OR11H4: variants seen among roughly 807,000 people sequenced by gnomAD.
The protein encoded by OR11H4 is olfactory receptor 11H4.
For missense variants in OR11H4, 460 were observed against 371.1 expected (o/e 1.24, Z -1.97); for synonymous variants, 162 against 142.3 (o/e 1.14, Z -0.98).
chr14:20,240,946 T>C (rs1329249516), intron 1 of OR11H4, among the ~76,000 whole-genome samples: 1 of 152,152 alleles, frequency 6.6e-6, no homozygotes, highest in Non-Finnish European at 1.5e-5. Flanking sequence ...TACTGTTGTT[T>C]AAACACATTT....
intron 1 of OR11H4, among the ~76,000 whole-genome samples, chr14:20,241,756 T>C (rs142050609): frequency 1.6e-3 from 241 of 152,262 alleles, no homozygotes; most frequent in Middle Eastern, 6.8e-3. Flanking sequence ...TATTCATTAT[T>C]TCAGCAAAAA....
chr14:20,243,895 G>C lies in OR11H4; in HGVS notation c.*129G>C. ...TATATTTTACCTGGAAGTGTGCCCA[G>C]CTTAAATATGTTTCCAGCACTGACT... On this transcript the variant is annotated 3_prime_UTR_variant, in exon 2 of 2. Transcript: ENST00000641082. 1.1e-6 allele frequency: 1 copy of C among 871,184 alleles called. No homozygotes were observed. 54.0% of individuals were successfully genotyped at this position (871,184 alleles called of 1,614,324 possible).
rs190869768 is a variant in OR11H4, at chr14:20,242,722, C to T, written c.-11-89C>T. 1.1e-5 allele frequency: 16 copies of T among 1,446,914 alleles called. No homozygotes were observed. The East Asian group carries it at 1.4e-4, about 12-fold the overall frequency. 89.6% of individuals were successfully genotyped at this position (1,446,914 alleles called of 1,614,324 possible). On this transcript the variant is annotated intron_variant, in intron 1 of 1. Transcript: ENST00000641082. ...TATTTTCCTGTATACCTCAAGTTCT[C>T]GTCTCAGTAAAATCCTTGAGATACG...
In OR11H4 at chr14:20,242,835, C is replaced by A; in HGVS notation, c.14C>A (p.Ala5Glu). Residue 5 changes from alanine (A) to glutamate (E), a missense_variant, in exon 2 of 2, where the codon GCA (alanine) becomes GAA (glutamate). By Grantham distance (107) the Ala-to-Glu change is moderately radical. Coordinates refer to ENST00000641082, the MANE Select transcript of OR11H4 (RefSeq NM_001004479.2). ...GACTTAAGACCCATGAACAGGTCAGCAACACACATCGTGACAGAGTTTATT... is the reference window on the plus strand; with the variant it reads ...GACTTAAGACCCATGAACAGGTCAGAAACACACATCGTGACAGAGTTTATT... MNRS[A>E]THIVTEFILL... 1 of 1,613,976 alleles carries A rather than the reference C, an allele frequency of 6.2e-7. No individual in the cohort carries two copies. The highest frequency in any genetic ancestry group is 8.5e-7 in the Non-Finnish European group (1 of 1,179,858).
chr14:20,240,054 C>A (rs1880881401), intron 1 of OR11H4, among the ~76,000 whole-genome samples: 1 of 152,062 alleles, frequency 6.6e-6, no homozygotes, highest in African/African-American at 2.4e-5. Context: ...GTAGAAAAGA[C>A]GAAGTGTAGT....
At position 20,243,736 on chromosome 14, in the gene OR11H4, G is replaced by A; in HGVS notation, c.915G>A (p.Leu305=). ...TGAAACTCGCTCTGAGAAATGTCCT[G>A]TTTGGAATGAGAATTCGTCAAAATT... The part of the protein sequence containing the change: ...KDMKLALRNV[L]FGMRIRQNS The change falls in exon 2 of 2, where the codon CTG becomes CTA. Residue 305 remains leucine, a synonymous_variant. Transcript: ENST00000641082. 6.3e-7 allele frequency: 1 copy of A among 1,584,736 alleles called. No homozygotes were observed. The highest frequency in any genetic ancestry group is 1.1e-5 in the South Asian group (1 of 87,022).
At position 20,243,214 on chromosome 14, in the gene OR11H4, G is replaced by C. The variant is rs1043543883; in HGVS notation, c.393G>C (p.Gln131His). The change falls in exon 2 of 2, where the codon CAG becomes CAC. Residue 131 changes from glutamine (Q) to histidine (H), a missense_variant. Transcript: ENST00000641082. ...DRYLAICHPL[Q>H]YPAIMTVRFC... is the part of the protein sequence containing the mutation. The stretch of plus-strand genomic sequence containing the variant: ...ACCTGGCCATCTGCCACCCACTGCA[G>C]TACCCTGCCATCATGACTGTAAGGT... 2 of 1,614,132 alleles carry C rather than the reference G, an allele frequency of 1.2e-6. No homozygotes were observed. Among genetic ancestry groups the C allele is most frequent in the African/African-American group, 2.7e-5 (2 of 75,032 alleles).
rs1479168943 is a variant in OR11H4 at position 20,243,954 on chromosome 14, A to G, written c.*188A>G. 2.1e-5 allele frequency: 10 copies of G among 480,278 alleles called. No individual in the cohort carries two copies. Among genetic ancestry groups the G allele is most frequent in the African/African-American group, 1.2e-4 (6 of 50,704 alleles). The allele number at this position is 480,278 out of a possible 1,614,324, so 29.8% of individuals were successfully genotyped here. A position where few individuals can be genotyped will look rare whatever the true frequency, so the allele number is the denominator to read the frequency against. On this transcript the variant is annotated 3_prime_UTR_variant, in exon 2 of 2. Coordinates refer to ENST00000641082, the MANE Select transcript of OR11H4 (RefSeq NM_001004479.2). The stretch of plus-strand genomic sequence containing the variant: ...CTTAATTAACTGGTCTTCAACATCC[A>G]CTTAAAAGTTTTCAAAGCCTGTCTT...
intron 1 of OR11H4, among the ~76,000 whole-genome samples, chr14:20,242,067 G>A (rs902224902): frequency 6.6e-6 from 1 of 151,996 alleles, no homozygotes; most frequent in East Asian, 1.9e-4. Flanking sequence ...GCAGGAGACA[G>A]TGGCCTTCCT....
At position 20,243,913 on chromosome 14, in the gene OR11H4, C is replaced by T. The variant is rs977175016; in HGVS notation, c.*147C>T. 3 of 718,848 alleles carry T rather than the reference C, an allele frequency of 4.2e-6. No homozygotes were observed. Among genetic ancestry groups the T allele is most frequent in the Non-Finnish European group, 6.4e-6 (3 of 471,248 alleles). 44.5% of individuals were successfully genotyped at this position (718,848 alleles called of 1,614,324 possible). On this transcript the variant is annotated 3_prime_UTR_variant, in exon 2 of 2. Coordinates refer to ENST00000641082, the MANE Select transcript of OR11H4 (RefSeq NM_001004479.2). ...GTGCCCAGCTTAAATATGTTTCCAG[C>T]ACTGACTCTTTAAACCTTAATTAAC... is the stretch of plus-strand genomic sequence containing the variant.
intron 1 of OR11H4, among the ~76,000 whole-genome samples, chr14:20,240,680 C>A (rs1880895537): frequency 1.3e-5 from 2 of 150,550 alleles, no homozygotes; most frequent in African/African-American, 4.9e-5. Context: ...TGAGTTCAAG[C>A]AATTCTTCTG....
rs754376585 is a variant in OR11H4 at position 20,243,472 on chromosome 14, C to T, written c.651C>T (p.Ser217=). 20 of 1,613,760 alleles carry T rather than the reference C, an allele frequency of 1.2e-5. No individual in the cohort carries two copies. The East Asian group carries it at 3.8e-4, about 31-fold the overall frequency. ...LFFTSMYILR[S]YILLLTAVFQ... ...TCACTAGTATGTACATTCTTCGATCCTATATCCTGTTACTAACAGCTGTTT... is the reference window on the plus strand; with the variant it reads ...TCACTAGTATGTACATTCTTCGATCTTATATCCTGTTACTAACAGCTGTTT... The change falls in exon 2 of 2, where the codon TCC becomes TCT. Residue 217 remains serine (S), a synonymous_variant. Transcript: ENST00000641082.
chr14:20,240,264 A>G (rs1413569781), intron 1 of OR11H4, among the ~76,000 whole-genome samples: 1 of 152,216 alleles, frequency 6.6e-6, no homozygotes, highest in Non-Finnish European at 1.5e-5. Flanking sequence ...GAAATCACCT[A>G]TTGAGCACCT....
In OR11H4 at chr14:20,243,941, G is replaced by A; in HGVS notation, c.*175G>A. The stretch of plus-strand genomic sequence containing the variant: ...TGACTCTTTAAACCTTAATTAACTG[G>A]TCTTCAACATCCACTTAAAAGTTTT... On this transcript the variant is annotated 3_prime_UTR_variant, in exon 2 of 2. Transcript: ENST00000641082. 1 of 517,804 alleles carries A rather than the reference G, an allele frequency of 1.9e-6. No individual in the cohort carries two copies. The highest frequency in any genetic ancestry group is 3.2e-6 in the Non-Finnish European group (1 of 316,592). 32.1% of individuals were successfully genotyped at this position (517,804 alleles called of 1,614,324 possible).
Position 20,242,914 on chromosome 14 carries a change from T to A in OR11H4, c.93T>A (p.Phe31Leu). The A allele has an allele frequency of 6.2e-7, 1 of 1,614,196 alleles. No individual in the cohort carries two copies. Among genetic ancestry groups the A allele is most frequent in the Non-Finnish European group, 8.5e-7 (1 of 1,180,022 alleles). The stretch of plus-strand genomic sequence containing the variant: ...TTCAGATTTTCCTCTTCTCATTGTT[T>A]TTGGTGATTTATGTCTTGACCTTGC... ...WKIQIFLFSLFLVIYVLTLLG... is the reference protein window; with the variant it reads ...WKIQIFLFSLLLVIYVLTLLG... Residue 31 changes from phenylalanine (F) to leucine (L), a missense_variant, in exon 2 of 2, where the codon TTT (phenylalanine) becomes TTA (leucine). By Grantham distance (22) the Phe-to-Leu change is conservative. Transcript: ENST00000641082.
Position 20,244,083 on chromosome 14 carries a change from A to C in OR11H4, c.*317A>C. ...CTTCCTCATTGCAACAAGACAATAA[A>C]CCCAACTTTGTTCAACTACAGGTAT... On this transcript the variant is annotated 3_prime_UTR_variant, in exon 2 of 2. Coordinates refer to ENST00000641082, the MANE Select transcript of OR11H4 (RefSeq NM_001004479.2). 1 of 206,008 alleles carries C rather than the reference A, an allele frequency of 4.9e-6. No individual in the cohort carries two copies. Among genetic ancestry groups the C allele is most frequent in the Non-Finnish European group, 9.7e-6 (1 of 102,892 alleles). The allele number at this position is 206,008 out of a possible 1,614,324, so 12.8% of individuals were successfully genotyped here.
At position 20,243,007 on chromosome 14, in the gene OR11H4, G is replaced by C; in HGVS notation, c.186G>C (p.Leu62=). Residue 62 remains leucine (L), a synonymous_variant, in exon 2 of 2, where the codon CTG becomes CTC. Transcript: ENST00000641082. ...NPLLHTPMYF[L]LGNFAFLEIW... is the part of the protein sequence containing the mutation. Reference sequence around the variant, plus strand: ...TACTACACACCCCCATGTACTTTCTGCTGGGAAATTTTGCCTTCCTTGAGA... The same window carrying C: ...TACTACACACCCCCATGTACTTTCTCCTGGGAAATTTTGCCTTCCTTGAGA... 1 of 1,614,104 alleles carries C rather than the reference G, an allele frequency of 6.2e-7. No homozygotes were observed.
rs538724682 is a variant in OR11H4 at position 20,243,399 on chromosome 14, C to T, written c.578C>T (p.Pro193Leu). 24 of 1,614,072 alleles carry T rather than the reference C, an allele frequency of 1.5e-5. No individual in the cohort carries two copies. The East Asian group carries it at 2.9e-4, about 19-fold the overall frequency. The change falls in exon 2 of 2, where the codon CCC becomes CTC. Residue 193 changes from proline to leucine, a missense_variant. Transcript: ENST00000641082. ...ATGGCTCTATCCTGTGCCCCAGCTC[C>T]CATAACTGAATGTATTTTCTATACT... ...PLMALSCAPA[P>L]ITECIFYTQS... is the part of the protein sequence containing the mutation.
Position 20,243,643 on chromosome 14 carries a change from C to A in OR11H4, c.822C>A (p.Leu274=). 2 of 1,614,026 alleles carry A rather than the reference C, an allele frequency of 1.2e-6. No individual in the cohort carries two copies. Among genetic ancestry groups the A allele is most frequent in the Non-Finnish European group, 1.7e-6 (2 of 1,179,934 alleles). The change falls in exon 2 of 2, where the codon CTC becomes CTA. Residue 274 remains leucine, a synonymous_variant. Coordinates refer to ENST00000641082, the MANE Select transcript of OR11H4 (RefSeq NM_001004479.2). ...TCCCAACTTTATTGCAGAAGATCCT[C>A]ACACTGGTATATTCAGTAACGACTC... ...YGIPTLLQKI[L]TLVYSVTTPL... is the part of the protein sequence containing the mutation.
Sources: allele counts gnomAD v4.1 joint callset (sites outside exome capture counted in the v4.1 genomes callset), GRCh38; gene constraint gnomAD v4.1.1; transcripts MANE v1.5; gene names NCBI Gene and HGNC (gene_info 2026-07-23, HGNC 2026-07-21).